RBM28: variants seen among roughly 807,000 people sequenced by gnomAD.
RBM28 encodes RNA binding motif protein 28.
Under a neutral mutation model 98.3 loss-of-function variants are expected in RBM28, and 78 were observed. The ratio of observed to expected loss-of-function variants is 0.79; its 90% CI spans 0.66 to 0.96. The LOEUF is 0.96. RBM28 is among the 40% of genes least tolerant of loss of function. The pLI is 0.00. For synonymous variants in RBM28, 306 were observed against 330.9 expected, an observed-to-expected ratio of 0.92 and a Z score of 0.82; for missense variants, 838 against 913.0, an observed-to-expected ratio of 0.92 and a Z score of 1.06.
rs1467759111 is a variant in RBM28, at chr7:128,310,588, T to A, written c.*209A>T. Reference sequence around the variant, plus strand: ...AATATGCAAGAAGCATCATGTTGACTTTCAGATATTTCTCTTTGTGGCTAA... The same window carrying A: ...AATATGCAAGAAGCATCATGTTGACATTCAGATATTTCTCTTTGTGGCTAA... On this transcript the variant is annotated 3_prime_UTR_variant, in exon 19 of 19. Coordinates refer to ENST00000223073, the MANE Select transcript of RBM28 (RefSeq NM_018077.3). 10 of 611,482 alleles carry A rather than the reference T, an allele frequency of 1.6e-5. No homozygotes were observed. Among genetic ancestry groups the A allele is most frequent in the African/African-American group, 1.5e-4 (8 of 54,424 alleles). The allele number at this position is 611,482 out of a possible 1,614,324, so 37.9% of individuals were successfully genotyped here.
chr7:128,337,304 CAA>C, intron 5 of RBM28, 102 bp from the exon 6 acceptor site: 1 of 1,147,292 alleles, frequency 8.7e-7, no homozygotes, highest in Non-Finnish European at 1.3e-6. Context: ...CCAGTGGAGA[CAA>C]AGAAACTGCC....
At chr7:128,318,193 T>A in intron 14 of RBM28, 87 bp from the exon 15 acceptor site, 2 of 1,357,940 alleles carry the variant, frequency 1.5e-6, no homozygotes, top group East Asian at 2.4e-5. Flanking sequence ...CAATAAGAAA[T>A]CAGGCTATTG....
chr7:128,323,228 C>T (rs1374703977), intron 13 of RBM28, among the ~76,000 whole-genome samples: 1 of 152,166 alleles, frequency 6.6e-6, no homozygotes, highest in Non-Finnish European at 1.5e-5. Context: ...GTAGCAATAG[C>T]CTCTGACTGT....
chr7:128,320,232 A>G (rs1388409613), intron 14 of RBM28, among the ~76,000 whole-genome samples: 2,501 of 64,196 alleles, frequency 0.039, 133 homozygotes, highest in African/African-American at 0.13. Flanking sequence ...AAAAAAAAAA[A>G]AAAGAAAGAA....
Position 128,339,317 on chromosome 7 carries a change from G to C in RBM28, c.282C>G (p.Asn94Lys), listed in dbSNP as rs761765027. 1.3e-5 allele frequency: 21 copies of C among 1,607,428 alleles called. No individual in the cohort carries two copies. Among genetic ancestry groups the C allele is most frequent in the Non-Finnish European group, 1.6e-5 (19 of 1,175,222 alleles). The change falls in exon 3 of 19, where the codon AAC becomes AAG. Residue 94 changes from asparagine to lysine, a missense_variant. Physicochemically the swap from Asn to Lys is moderately conservative, Grantham distance 94. Coordinates refer to ENST00000223073, the MANE Select transcript of RBM28 (RefSeq NM_018077.3). ...TCGGCTCCTTCTTTGGGCACTCTGA[G>C]TTTTCTAAAAAATAAGAGGTAATGG... ...NKTKEKGKNE[N>K]SECPKKEPKA...
chr7:128,337,166 T>C lies in RBM28; in HGVS notation c.578A>G (p.Asp193Gly), dbSNP rs1160993963. ...AACAGACTGTGTATCTTTATATTTA[T>C]CCTTTGCCACGGCCCAATCCACAGC... is the stretch of plus-strand genomic sequence containing the variant. ...TVAVDWAVAK[D>G]KYKDTQSVSA... The change falls in exon 6 of 19, where the codon GAT (aspartate) becomes GGT (glycine). Residue 193 changes from aspartate (D) to glycine (G), a missense_variant. Physicochemically the swap from Asp to Gly is moderately conservative, Grantham distance 94. Coordinates refer to ENST00000223073, the MANE Select transcript of RBM28 (RefSeq NM_018077.3). 6.2e-7 allele frequency: 1 copy of C among 1,614,150 alleles called. No homozygotes were observed. The highest frequency in any genetic ancestry group is 8.5e-7 in the Non-Finnish European group (1 of 1,180,000).
chr7:128,323,986 G>A (rs1796292686), intron 12 of RBM28, among the ~76,000 whole-genome samples: 1 of 152,098 alleles, frequency 6.6e-6, no homozygotes. Flanking sequence ...TATACTTGAG[G>A]TCCATTACTA....
At chr7:128,313,013 T>C (rs1218436521) in intron 18 of RBM28, 162 bp downstream of exon 18, 4 of 719,356 alleles carry the variant, frequency 5.6e-6, no homozygotes, top group African/African-American at 3.6e-5. Flanking sequence ...TACTTTTTTC[T>C]CTCCACTTTT....
In RBM28 at chr7:128,309,764, G is replaced by T. The variant is rs978779577; in HGVS notation, c.*1033C>A. 2 of 152,238 alleles carry T rather than the reference G, an allele frequency of 1.3e-5. No homozygotes were observed. The highest frequency in any genetic ancestry group is 4.8e-5 in the African/African-American group (2 of 41,416). 9.4% of individuals were successfully genotyped at this position (152,238 alleles called of 1,614,324 possible). On this transcript the variant is annotated 3_prime_UTR_variant, in exon 19 of 19. Transcript: ENST00000223073. ...CCAGGAGGAGGCGACAACTAGTGGA[G>T]ATCTGAGTGACAAGTAAAAGATGCA...
At chr7:128,336,573 G>A (rs1211511161) in intron 6 of RBM28, among the ~76,000 whole-genome samples, 1 of 152,204 alleles carries the variant, frequency 6.6e-6, no homozygotes, top group Non-Finnish European at 1.5e-5. Context: ...CCACTCCCAG[G>A]AAGGGGCTTA....
chr7:128,312,655 G>GT (rs373955697), intron 18 of RBM28, among the ~76,000 whole-genome samples: 4 of 79,176 alleles, frequency 5.1e-5, no homozygotes, highest in Non-Finnish European at 1.0e-4. Context: ...CAAGTATAAT[G>GT]TGGGACTTTG....
intron 5 of RBM28, among the ~76,000 whole-genome samples, 172 bp from the exon 6 acceptor site, chr7:128,337,374 C>T (rs951134516): frequency 6.6e-6 from 1 of 152,140 alleles, no homozygotes; most frequent in African/African-American, 2.4e-5. Flanking sequence ...CTCCTTTTAA[C>T]CCTTAACCTT....
intron 1 of RBM28, among the ~76,000 whole-genome samples, chr7:128,342,771 T>A (rs1285120251): frequency 6.6e-6 from 1 of 152,214 alleles, no homozygotes; most frequent in Non-Finnish European, 1.5e-5. Context: ...AGTCACCCTG[T>A]CCTCCTTACT....
chr7:128,323,733 G>A (rs1796287395), intron 12 of RBM28, 142 bp from the exon 13 acceptor site: 2 of 859,468 alleles, frequency 2.3e-6, no homozygotes, highest in Middle Eastern at 2.3e-4. Context: ...ATTTGGTTAG[G>A]TCCAGAAATA....
At chr7:128,339,574 T>G in intron 2 of RBM28, 59 bp downstream of exon 2, 1 of 1,573,524 alleles carries the variant, frequency 6.4e-7, no homozygotes, top group Non-Finnish European at 8.7e-7. Flanking sequence ...CCTCTTTCAT[T>G]TTCATAGTGC....
rs933663153 is a variant in RBM28, at chr7:128,300,343, G to C, written c.*10454C>G. The stretch of plus-strand genomic sequence containing the variant: ...GAGCAGGGAAGGGTTAGAACCCAGC[G>C]TGGATCAAACATTTGAGATGAATCA... On this transcript the variant is annotated 3_prime_UTR_variant, in exon 19 of 19. Transcript: ENST00000223073. 1 of 152,240 alleles carries C rather than the reference G, an allele frequency of 6.6e-6. No homozygotes were observed. The highest frequency in any genetic ancestry group is 2.4e-5 in the African/African-American group (1 of 41,442). 9.4% of individuals were successfully genotyped at this position (152,240 alleles called of 1,614,324 possible).
chr7:128,340,432 T>C (rs1355532354), intron 1 of RBM28, among the ~76,000 whole-genome samples: 2 of 152,176 alleles, frequency 1.3e-5, no homozygotes, highest in African/African-American at 4.8e-5. Flanking sequence ...CTGCACTGTC[T>C]GGGCATTTTG....
intron 5 of RBM28, 40 bp downstream of exon 5, chr7:128,338,210 A>G (rs1048314697): frequency 6.7e-7 from 1 of 1,483,392 alleles, no homozygotes. Context: ...CCAAAACACC[A>G]GAAATATCTG....
chr7:128,336,999 T>G lies in RBM28; in HGVS notation c.613+132A>C, dbSNP rs1041630830. The stretch of plus-strand genomic sequence containing the variant: ...CTGACTGCAAGCAATCCACCCAAAG[T>G]GCTGGAATTACAGGCAAGAGCCACT... On this transcript the variant is annotated intron_variant, in intron 6 of 18. Coordinates refer to ENST00000223073, the MANE Select transcript of RBM28 (RefSeq NM_018077.3). 25 of 939,674 alleles carry G rather than the reference T, an allele frequency of 2.7e-5. 1 individual carries two copies. In the Middle Eastern group the frequency reaches 6.3e-4, roughly 24 times the overall value. The allele number at this position is 939,674 out of a possible 1,614,324, so 58.2% of individuals were successfully genotyped here.
Sources: allele counts gnomAD v4.1 joint callset (sites outside exome capture counted in the v4.1 genomes callset), GRCh38; gene constraint gnomAD v4.1.1; transcripts MANE v1.5; gene names NCBI Gene and HGNC (gene_info 2026-07-23, HGNC 2026-07-21).